CHSY3: variants seen among roughly 807,000 people sequenced by gnomAD.
The protein encoded by CHSY3 is chondroitin sulfate synthase 3.
Under a neutral mutation model 67.2 loss-of-function variants are expected in CHSY3, and 35 were observed. The observed-to-expected ratio is 0.52, with a 90% CI of 0.40 to 0.69. The LOEUF is 0.69. Among genes scored for constraint, CHSY3 ranks in the 30% least tolerant of loss-of-function variants. The pLI, the probability that CHSY3 is intolerant of heterozygous loss-of-function variation, is 0.00. For synonymous variants in CHSY3, 474 were observed against 434.7 expected (o/e 1.09, Z -1.12); for missense variants, 1,069 against 1,138.5 (o/e 0.94, Z 0.88).
intron 2 of CHSY3, among the ~76,000 whole-genome samples, chr5:130,059,517 A>C (rs553061766): frequency 6.6e-6 from 1 of 151,468 alleles, no homozygotes; most frequent in African/African-American, 2.4e-5. Context: ...AACCCTGACT[A>C]AAACAGGATC....
intron 2 of CHSY3, among the ~76,000 whole-genome samples, chr5:130,165,100 G>A (rs1485871275): frequency 6.6e-6 from 1 of 152,092 alleles, no homozygotes; most frequent in African/African-American, 2.4e-5. Context: ...TCTATTCCAT[G>A]GTCAGTGGAT....
chr5:129,970,433 GA>G (rs1762607116), intron 2 of CHSY3, among the ~76,000 whole-genome samples: 2 of 151,528 alleles, frequency 1.3e-5, no homozygotes, highest in African/African-American at 4.8e-5. Context: ...TAGATAGATA[GA>G]TAGATAGATA....
intron 2 of CHSY3, among the ~76,000 whole-genome samples, chr5:129,991,693 C>A (rs934014644): frequency 6.6e-6 from 1 of 151,872 alleles, no homozygotes; most frequent in Non-Finnish European, 1.5e-5. Flanking sequence ...GCCTTAATAG[C>A]AGCATAGGCA....
chr5:129,989,772 G>T (rs1763306844), intron 2 of CHSY3, among the ~76,000 whole-genome samples: 1 of 152,166 alleles, frequency 6.6e-6, no homozygotes, highest in Non-Finnish European at 1.5e-5. Flanking sequence ...GATAATTATA[G>T]TGCATGCTTC....
rs564059549 is a variant in CHSY3 at position 129,924,696 on chromosome 5, T to A, written c.1086+16336T>A. On this transcript the variant is annotated intron_variant, in intron 2 of 2. Transcript: ENST00000305031. ...CTTTCTGTAGTTATTCTTATGCCAGTACCTAGATATCATCTTTATTCTTTT... is the reference window on the plus strand; with the variant it reads ...CTTTCTGTAGTTATTCTTATGCCAGAACCTAGATATCATCTTTATTCTTTT... Among the ~76,000 whole-genome samples the A allele has an allele frequency of 2.0e-5, 3 of 151,836 alleles. No homozygotes were observed. In the East Asian group the frequency reaches 5.8e-4, roughly 29 times the overall value.
At chr5:130,016,498 GC>G (rs1350259821) in intron 2 of CHSY3, among the ~76,000 whole-genome samples, 1 of 150,762 alleles carries the variant, frequency 6.6e-6, no homozygotes, top group African/African-American at 2.4e-5. Context: ...TGCAACCTGA[GC>G]TTCCAGGGTT....
chr5:130,160,576 C>T (rs1189396232), intron 2 of CHSY3, among the ~76,000 whole-genome samples: 2 of 152,220 alleles, frequency 1.3e-5, no homozygotes, highest in African/African-American at 2.4e-5. Flanking sequence ...TTTGGAGATG[C>T]TTTCTGCATC....
intron 2 of CHSY3, among the ~76,000 whole-genome samples, chr5:130,015,735 T>C (rs1228744049): frequency 6.6e-6 from 1 of 152,220 alleles, no homozygotes; most frequent in Non-Finnish European, 1.5e-5. Flanking sequence ...TTACTGGGTA[T>C]ATACCCAAAG....
intron 2 of CHSY3, among the ~76,000 whole-genome samples, chr5:129,931,352 A>G (rs922938429): frequency 2.6e-5 from 4 of 152,190 alleles, no homozygotes; most frequent in African/African-American, 9.6e-5. Flanking sequence ...TAAGGAAATC[A>G]TTAAGTGCTT....
chr5:129,913,272 T>C (rs1760628945), intron 2 of CHSY3, among the ~76,000 whole-genome samples: 1 of 152,218 alleles, frequency 6.6e-6, no homozygotes, highest in South Asian at 2.1e-4. Context: ...TACATAGGCA[T>C]AAAAGTTTTG....
chr5:130,145,351 T>C (rs771056270), intron 2 of CHSY3, among the ~76,000 whole-genome samples: 19 of 152,172 alleles, frequency 1.2e-4, no homozygotes, highest in Non-Finnish European at 2.2e-4. Context: ...AGGGAAGAGA[T>C]AGTATCTTCA....
chr5:129,991,396 A>G (rs1345108170), intron 2 of CHSY3, among the ~76,000 whole-genome samples: 1 of 152,196 alleles, frequency 6.6e-6, no homozygotes, highest in Non-Finnish European at 1.5e-5. Context: ...TGACTTCTGG[A>G]CTTCTGGCTC....
At chr5:130,067,622 C>A (rs557213882) in intron 2 of CHSY3, among the ~76,000 whole-genome samples, 2 of 152,008 alleles carry the variant, frequency 1.3e-5, no homozygotes, top group African/African-American at 4.8e-5. Flanking sequence ...AGAAAACAGC[C>A]ACTCCTAGAG....
At chr5:130,168,605 G>C (rs1422101891) in intron 2 of CHSY3, among the ~76,000 whole-genome samples, 1 of 152,032 alleles carries the variant, frequency 6.6e-6, no homozygotes, top group Non-Finnish European at 1.5e-5. Context: ...GCAGAATTCT[G>C]AGAATTGTCT....
At chr5:129,963,393 A>C (rs1279819402) in intron 2 of CHSY3, among the ~76,000 whole-genome samples, 1 of 152,020 alleles carries the variant, frequency 6.6e-6, no homozygotes, top group African/African-American at 2.4e-5. Flanking sequence ...ACGACACTTG[A>C]GTGTCAGAGT....
Position 129,974,708 on chromosome 5 carries a change from G to A in CHSY3, c.1086+66348G>A, listed in dbSNP as rs527485141. On this transcript the variant is annotated intron_variant, in intron 2 of 2. Transcript: ENST00000305031. Reference sequence around the variant, plus strand: ...TGAGCACAGATTTCCTTTACTGAATGTCAAGGTGGGCAGCACAGCACATTG... The same window carrying A: ...TGAGCACAGATTTCCTTTACTGAATATCAAGGTGGGCAGCACAGCACATTG... Among the ~76,000 whole-genome samples, 5 of 152,226 alleles carry A rather than the reference G, an allele frequency of 3.3e-5. No individual in the cohort carries two copies. The East Asian group carries it at 9.7e-4, about 30-fold the overall frequency.
chr5:130,144,766 G>T (rs1256556680), intron 2 of CHSY3, among the ~76,000 whole-genome samples: 1 of 152,096 alleles, frequency 6.6e-6, no homozygotes, highest in Admixed American at 6.6e-5. Context: ...ATAGTACAAA[G>T]CTATAGTAAC....
intron 2 of CHSY3, among the ~76,000 whole-genome samples, chr5:130,093,979 A>G (rs1208864532): frequency 6.6e-6 from 1 of 152,180 alleles, no homozygotes; most frequent in East Asian, 1.9e-4. Flanking sequence ...ATTATCTACT[A>G]TTATGAACAA....
At position 129,998,506 on chromosome 5, in the gene CHSY3, A is replaced by G. The variant is rs551219826; in HGVS notation, c.1086+90146A>G. ...TATCTATAGGACAAATTCTTAAAGT[A>G]AAATGTTGGATAAAGGGTTTATGCT... On this transcript the variant is annotated intron_variant, in intron 2 of 2. Coordinates refer to ENST00000305031, the MANE Select transcript of CHSY3 (RefSeq NM_175856.5). Among the ~76,000 whole-genome samples, 12 of 152,292 alleles carry G rather than the reference A, an allele frequency of 7.9e-5. No individual in the cohort carries two copies. The East Asian group carries it at 2.1e-3, about 27-fold the overall frequency.
Sources: allele counts gnomAD v4.1 joint callset (sites outside exome capture counted in the v4.1 genomes callset), GRCh38; gene constraint gnomAD v4.1.1; transcripts MANE v1.5; gene names NCBI Gene and HGNC (gene_info 2026-07-23, HGNC 2026-07-21).